The following ADAM2 variants were observed in gnomAD, a reference collection of about 807,000 sequenced individuals.
ADAM2 encodes the protein ADAM metallopeptidase domain 2.
ADAM2 carries 101 observed loss-of-function variants against 99.3 expected under a neutral mutation model. The observed-to-expected ratio is 1.02, with a 90% confidence interval of 0.87 to 1.20. The LOEUF (loss-of-function observed/expected upper bound fraction) is 1.20. Ranked by LOEUF, ADAM2 falls within the 50% of genes most tolerant of loss-of-function variation. The pLI is 0.00. For missense variants in ADAM2, 948 were observed against 878.7 expected (o/e 1.08, Z -1.00); for synonymous variants, 323 against 287.6 (o/e 1.12, Z -1.25).
chr8:39,813,531 C>T (rs918976053), intron 6 of ADAM2, among the ~76,000 whole-genome samples: 6 of 152,154 alleles, frequency 3.9e-5, no homozygotes, highest in African/African-American at 1.4e-4. Flanking sequence ...AAATGTCCAT[C>T]AATGACAGAC....
intron 6 of ADAM2, among the ~76,000 whole-genome samples, chr8:39,818,339 C>T (rs896429232): frequency 3.3e-5 from 5 of 151,966 alleles, no homozygotes; most frequent in South Asian, 2.1e-4. Flanking sequence ...TCTCAACATA[C>T]GTTGCAGAAC....
intron 8 of ADAM2, 82 bp downstream of exon 8, chr8:39,788,587 G>T: frequency 2.2e-6 from 2 of 927,886 alleles, no homozygotes; most frequent in Non-Finnish European, 3.2e-6. Context: ...ACAACGTGTG[G>T]ATTCATGTAG....
intron 7 of ADAM2, among the ~76,000 whole-genome samples, chr8:39,798,939 T>C (rs1804090259): frequency 1.3e-5 from 2 of 152,176 alleles, no homozygotes; most frequent in African/African-American, 4.8e-5. Context: ...TTCTTCTTTA[T>C]TAGTCTAGCT....
intron 3 of ADAM2, among the ~76,000 whole-genome samples, chr8:39,829,818 T>C (rs1175963064): frequency 6.6e-6 from 1 of 152,116 alleles, no homozygotes; most frequent in Admixed American, 6.6e-5. Context: ...TTGGAATTAC[T>C]TGCGACAACA....
At chr8:39,821,714 C>A (rs1805196486) in intron 4 of ADAM2, 52 bp from the exon 5 acceptor site, 1 of 1,257,390 alleles carries the variant, frequency 8.0e-7, no homozygotes, top group East Asian at 2.4e-5. Context: ...GTTACAGATA[C>A]AATTTTCAAA....
In ADAM2 at chr8:39,809,407, T is replaced by TA. The variant is rs1804596927; in HGVS notation, c.570+2dup. 1 of 1,173,284 alleles carries TA rather than the reference T, an allele frequency of 8.5e-7. No homozygotes were observed. The highest frequency in any genetic ancestry group is 1.3e-6 in the Non-Finnish European group (1 of 793,344). 72.7% of individuals were successfully genotyped at this position (1,173,284 alleles called of 1,614,324 possible). On this transcript the variant is annotated splice_region_variant and intron_variant, in intron 7 of 20. Coordinates refer to ENST00000265708, the MANE Select transcript of ADAM2 (RefSeq NM_001464.5). The stretch of plus-strand genomic sequence containing the variant: ...GGACATAAATAAATCAGAATATACT[T>TA]ACCAATTGTTTTTCAACTATAACAT...
Position 39,761,146 on chromosome 8 carries a change from A to T in ADAM2, c.1613+30T>A, listed in dbSNP as rs369501271. On this transcript the variant is annotated intron_variant, in intron 15 of 20. Transcript: ENST00000265708. ...TTTTCAAATATAAGGTGATAAATAG[A>T]AGTTCTAAGACAGATTTCTGAAAAC... 3.7e-6 allele frequency: 5 copies of T among 1,347,058 alleles called. No individual in the cohort carries two copies. In the African/African-American group the frequency reaches 7.4e-5, roughly 20 times the overall value. The allele number at this position is 1,347,058 out of a possible 1,614,324, so 83.4% of individuals were successfully genotyped here. A position where few individuals can be genotyped will look rare whatever the true frequency, so the allele number is the denominator to read the frequency against.
At chr8:39,822,208 G>A (rs911365838) in intron 4 of ADAM2, among the ~76,000 whole-genome samples, 3 of 152,026 alleles carry the variant, frequency 2.0e-5, no homozygotes, top group Admixed American at 6.5e-5. Flanking sequence ...ACCAATTGGG[G>A]TATACTTCAT....
intron 7 of ADAM2, among the ~76,000 whole-genome samples, chr8:39,803,218 C>G (rs1804289643): frequency 6.6e-6 from 1 of 152,176 alleles, no homozygotes; most frequent in Admixed American, 6.5e-5. Flanking sequence ...CTCGGTATCA[C>G]TGAGTCTGGC....
chr8:39,820,179 C>G (rs569746088), intron 6 of ADAM2, among the ~76,000 whole-genome samples: 27 of 152,198 alleles, frequency 1.8e-4, no homozygotes, highest in Admixed American at 1.0e-3. Context: ...TTGGCTGCTC[C>G]TAATGTTGCT....
chr8:39,831,729 G>T (rs1046979397), intron 3 of ADAM2, among the ~76,000 whole-genome samples: 2 of 151,976 alleles, frequency 1.3e-5, no homozygotes, highest in African/African-American at 4.8e-5. Context: ...GAGTAAAATG[G>T]AAATCATCGA....
intron 10 of ADAM2, among the ~76,000 whole-genome samples, chr8:39,778,455 C>T (rs1803087064): frequency 6.6e-6 from 1 of 152,068 alleles, no homozygotes; most frequent in Non-Finnish European, 1.5e-5. Context: ...TCTTTGAACC[C>T]TTGATGGGAC....
Position 39,766,891 on chromosome 8 carries a change from A to T in ADAM2, c.1464T>A (p.Val488=). The T allele has an allele frequency of 6.2e-7, 1 of 1,612,238 alleles. No individual in the cohort carries two copies. The highest frequency in any genetic ancestry group is 1.3e-5 in the African/African-American group (1 of 75,020). ...GLNQWICIDG[V]CMSGDKQCTD... is the part of the protein sequence containing the mutation. ...TACATTGTTTATCCCCACTCATACA[A>T]ACTCCATCTATACAGATCCATTGAT... The change falls in exon 14 of 21, where the codon GTT becomes GTA. Residue 488 remains valine (V), a synonymous_variant. Coordinates refer to ENST00000265708, the MANE Select transcript of ADAM2 (RefSeq NM_001464.5).
chr8:39,750,014 G>A (rs1388310632), intron 16 of ADAM2, among the ~76,000 whole-genome samples: 1 of 151,878 alleles, frequency 6.6e-6, no homozygotes, highest in Non-Finnish European at 1.5e-5. Context: ...TATGAAATGA[G>A]TAAAACACAA....
intron 12 of ADAM2, among the ~76,000 whole-genome samples, chr8:39,768,852 A>G (rs1802665124): frequency 6.6e-6 from 1 of 152,176 alleles, no homozygotes; most frequent in Non-Finnish European, 1.5e-5. Context: ...GTCAAGGGGT[A>G]TAAAATTTCA....
Position 39,749,465 on chromosome 8 carries a change from AAT to A in ADAM2, c.1876-17_1876-16del, listed in dbSNP as rs770551977. The A allele has an allele frequency of 1.5e-5, 24 of 1,604,238 alleles. No individual in the cohort carries two copies. The South Asian group carries it at 2.2e-4, about 15-fold the overall frequency. The stretch of plus-strand genomic sequence containing the variant: ...TTATTGCATACCTAAAAGAAGGAGA[AAT>A]ATCACCTTATAAGATAAGCAACTAG... On this transcript the variant is annotated splice_polypyrimidine_tract_variant and intron_variant, in intron 17 of 20. Transcript: ENST00000265708.
At chr8:39,823,044 G>A (rs577736053) in intron 4 of ADAM2, among the ~76,000 whole-genome samples, 33 of 152,216 alleles carry the variant, frequency 2.2e-4, no homozygotes, top group African/African-American at 6.3e-4. Flanking sequence ...TGGGATTACC[G>A]GTGTGAGCCA....
chr8:39,837,253 C>A, intron 1 of ADAM2, 41 bp from the exon 2 acceptor site: 1 of 1,401,494 alleles, frequency 7.1e-7, no homozygotes, highest in Non-Finnish European at 1.0e-6. Flanking sequence ...CAATGCCCAT[C>A]ATTTCAGAGC....
intron 2 of ADAM2, among the ~76,000 whole-genome samples, chr8:39,834,372 CTGTTTATATCTTT>C (rs1320383886): frequency 6.6e-6 from 1 of 152,038 alleles, no homozygotes; most frequent in Non-Finnish European, 1.5e-5. Context: ...ATTTTGGATG[CTGTTTATATCTTT>C]ACCTCTGCCC....
Sources: gnomAD v4.1 joint callset for allele counts (sites outside exome capture counted in the v4.1 genomes callset) on GRCh38, gnomAD v4.1.1 for gene constraint, MANE v1.5 for transcripts, NCBI Gene and HGNC (gene_info 2026-07-23, HGNC 2026-07-21) for gene names.